Variants in AGBL1 observed in about 807,000 individuals in gnomAD.
AGBL1 encodes AGBL carboxypeptidase 1.
AGBL1 carries 130 observed loss-of-function variants against 118.9 expected under a neutral mutation model. That is an observed-to-expected ratio of 1.09 (90% CI 0.95 to 1.26). AGBL1 has a LOEUF of 1.26. AGBL1 is among the 50% of genes most tolerant of loss of function. The pLI is 0.00. For missense variants in AGBL1, 1,584 were observed against 1,298.1 expected (o/e 1.22, Z -3.38); for synonymous variants, 555 against 478.9 (o/e 1.16, Z -2.08).
At chr15:86,214,251 A>C (rs2078148490) in intron 5 of AGBL1, among the ~76,000 whole-genome samples, 1 of 152,240 alleles carries the variant, frequency 6.6e-6, no homozygotes. Flanking sequence ...GCATTGAGAT[A>C]GGATATCACA....
chr15:86,224,487 C>T (rs1406776359), intron 5 of AGBL1, among the ~76,000 whole-genome samples: 4 of 152,114 alleles, frequency 2.6e-5, no homozygotes, highest in African/African-American at 7.2e-5. Context: ...GAAGTTTGCA[C>T]TGTGCTGCTA....
At chr15:86,697,377 G>C (rs750988806) in intron 22 of AGBL1, among the ~76,000 whole-genome samples, 7 of 151,674 alleles carry the variant, frequency 4.6e-5, no homozygotes, top group Non-Finnish European at 1.0e-4. Context: ...TTGCTTGTTC[G>C]ATTCTATTGC....
chr15:86,316,294 C>G (rs2080008336), intron 17 of AGBL1, among the ~76,000 whole-genome samples: 1 of 152,146 alleles, frequency 6.6e-6, no homozygotes, highest in African/African-American at 2.4e-5. Context: ...CTTCCAGAGG[C>G]CCCAAATGAT....
intron 6 of AGBL1, among the ~76,000 whole-genome samples, chr15:86,226,595 A>G (rs2078368212): frequency 6.6e-6 from 1 of 152,196 alleles, no homozygotes; most frequent in South Asian, 2.1e-4. Flanking sequence ...TACTCTATTG[A>G]TCAGGAACAC....
At chr15:86,667,363 T>A (rs7183356) in intron 21 of AGBL1, among the ~76,000 whole-genome samples, 4 of 151,880 alleles carry the variant, frequency 2.6e-5, no homozygotes, top group African/African-American at 7.2e-5. Flanking sequence ...TATTATAAAA[T>A]AAATTATGAA....
chr15:86,169,036 C>T (rs1279867843), intron 5 of AGBL1, among the ~76,000 whole-genome samples: 1 of 152,114 alleles, frequency 6.6e-6, no homozygotes, highest in Non-Finnish European at 1.5e-5. Flanking sequence ...GCAGTGATTC[C>T]TGAGAGATAA....
At chr15:86,513,398 G>C (rs941245777) in intron 18 of AGBL1, among the ~76,000 whole-genome samples, 9 of 151,992 alleles carry the variant, frequency 5.9e-5, no homozygotes, top group African/African-American at 1.7e-4. Flanking sequence ...ACCCTTCTCA[G>C]TTGTATCATA....
At chr15:86,743,545 A>G (rs2077711080) in intron 22 of AGBL1, among the ~76,000 whole-genome samples, 1 of 152,060 alleles carries the variant, frequency 6.6e-6, no homozygotes, top group Non-Finnish European at 1.5e-5. Context: ...CTTCACTTAC[A>G]TACACTGGGG....
intron 22 of AGBL1, among the ~76,000 whole-genome samples, chr15:86,776,626 G>GT (rs993311437): frequency 4.4e-4 from 65 of 149,086 alleles, no homozygotes; most frequent in East Asian, 1.2e-3. Flanking sequence ...CATTTTTGTG[G>GT]TTTTTTTTTA....
intron 16 of AGBL1, among the ~76,000 whole-genome samples, chr15:86,292,082 T>C (rs1199977540): frequency 2.0e-5 from 3 of 152,184 alleles, no homozygotes; most frequent in Admixed American, 1.3e-4. Context: ...GGCAGAATAA[T>C]GGACCTCCAA....
At chr15:86,602,115 C>T (rs2084504830) in intron 21 of AGBL1, among the ~76,000 whole-genome samples, 1 of 152,028 alleles carries the variant, frequency 6.6e-6, no homozygotes, top group Non-Finnish European at 1.5e-5. Flanking sequence ...TCTTTACTCT[C>T]CATTTTTCTT....
intron 18 of AGBL1, among the ~76,000 whole-genome samples, chr15:86,434,531 A>C (rs1393427975): frequency 6.6e-6 from 1 of 152,232 alleles, no homozygotes; most frequent in South Asian, 2.1e-4. Flanking sequence ...CTCTGGATAC[A>C]TGTTAAGAGG....
chr15:86,581,528 T>A (rs1159154013), intron 21 of AGBL1, among the ~76,000 whole-genome samples: 1 of 152,206 alleles, frequency 6.6e-6, no homozygotes, highest in Non-Finnish European at 1.5e-5. Context: ...TATGTTGACT[T>A]CCAAATTGGA....
At chr15:86,705,052 A>T (rs536431911) in intron 22 of AGBL1, among the ~76,000 whole-genome samples, 1 of 152,152 alleles carries the variant, frequency 6.6e-6, no homozygotes, top group South Asian at 2.1e-4. Flanking sequence ...CAAACACTGC[A>T]TGTCCTCACT....
chr15:86,105,053 G>A (rs1896971397), intron 1 of AGBL1: 1 of 152,140 alleles, frequency 6.6e-6, no homozygotes, highest in South Asian at 2.1e-4. Context: ...CTTGCCTTAG[G>A]TATTTATTGC....
chr15:86,806,346 T>C (rs2078713735), intron 22 of AGBL1, among the ~76,000 whole-genome samples: 2 of 152,086 alleles, frequency 1.3e-5, no homozygotes, highest in Non-Finnish European at 2.9e-5. Flanking sequence ...AGAGGAAATA[T>C]GACCTGGGAG....
intron 21 of AGBL1, among the ~76,000 whole-genome samples, chr15:86,635,732 G>C (rs1312527634): frequency 6.6e-6 from 1 of 152,090 alleles, no homozygotes; most frequent in African/African-American, 2.4e-5. Context: ...TTACAAAAGT[G>C]AATATTTAGA....
chr15:86,351,673 G>A (rs1310960636), intron 17 of AGBL1, among the ~76,000 whole-genome samples: 1 of 151,892 alleles, frequency 6.6e-6, no homozygotes, highest in Non-Finnish European at 1.5e-5. Flanking sequence ...GGTAATACTT[G>A]TACCCTGAAT....
chr15:86,425,862 A>T lies in AGBL1; in HGVS notation c.2555+28316A>T, dbSNP rs58561957. 1.3e-3 allele frequency among the ~76,000 whole-genome samples: 191 copies of T among 152,298 alleles called. 7 individuals carry two copies. The East Asian group carries it at 0.033, about 26-fold the overall frequency. On this transcript the variant is annotated intron_variant, in intron 18 of 22. Coordinates refer to ENST00000614907, the MANE Select transcript of AGBL1 (RefSeq NM_001386094.1). ...CAACTCTATGCTACTCATCTGTATA[A>T]TCTTTTTACCGTCACACTGTCAGAT...
Sources: gnomAD v4.1 joint callset for allele counts (sites outside exome capture counted in the v4.1 genomes callset) on GRCh38, gnomAD v4.1.1 for gene constraint, MANE v1.5 for transcripts, NCBI Gene and HGNC (gene_info 2026-07-23, HGNC 2026-07-21) for gene names.